The following ADGRB3 variants were observed in gnomAD, a reference collection of about 807,000 sequenced individuals.
The protein encoded by ADGRB3 is brain-specific angiogenesis inhibitor 3.
ADGRB3 carries 37 observed loss-of-function variants against 193.4 expected under a neutral mutation model. The observed-to-expected ratio is 0.19, with a 90% confidence interval of 0.15 to 0.25. The LOEUF is 0.25. Ranked by LOEUF, ADGRB3 falls within the 10% of genes least tolerant of loss-of-function variation. The pLI is 1.00. For synonymous variants in ADGRB3, 690 were observed against 644.2 expected (o/e 1.07, Z -1.08); for missense variants, 1,637 against 1,852.9 (o/e 0.88, Z 2.14).
intron 20 of ADGRB3, among the ~76,000 whole-genome samples, chr6:69,294,499 C>A (rs1269327455): frequency 6.6e-6 from 1 of 152,034 alleles, no homozygotes; most frequent in Non-Finnish European, 1.5e-5. Context: ...CTGTCTCTTA[C>A]CTAATATAGA....
At chr6:68,971,489 A>C (rs546253376) in intron 8 of ADGRB3, among the ~76,000 whole-genome samples, 1 of 152,340 alleles carries the variant, frequency 6.6e-6, no homozygotes, top group East Asian at 1.9e-4. Context: ...AAAAATCCAC[A>C]TATAAGTGGA....
intron 17 of ADGRB3, among the ~76,000 whole-genome samples, chr6:69,177,595 C>T (rs561111685): frequency 3.9e-5 from 6 of 152,282 alleles, no homozygotes; most frequent in Admixed American, 2.0e-4. Flanking sequence ...ATCCACCCGC[C>T]TTGGCCTCCC....
At chr6:69,156,851 A>C (rs562108771) in intron 17 of ADGRB3, among the ~76,000 whole-genome samples, 1 of 152,334 alleles carries the variant, frequency 6.6e-6, no homozygotes, top group Admixed American at 6.5e-5. Context: ...TTTGGTTTAC[A>C]AATGAAGAAA....
intron 17 of ADGRB3, among the ~76,000 whole-genome samples, chr6:69,103,861 T>C (rs1773136069): frequency 6.6e-6 from 1 of 151,710 alleles, no homozygotes; most frequent in Non-Finnish European, 1.5e-5. Flanking sequence ...GCAGTGACAG[T>C]AGGAAAACTT....
chr6:68,900,159 T>C (rs1251282950), intron 3 of ADGRB3, among the ~76,000 whole-genome samples: 1 of 152,086 alleles, frequency 6.6e-6, no homozygotes, highest in Non-Finnish European at 1.5e-5. Context: ...TATGTAATAA[T>C]AGGATGACAG....
At chr6:68,738,271 G>A (rs1765910315) in intron 3 of ADGRB3, among the ~76,000 whole-genome samples, 1 of 152,074 alleles carries the variant, frequency 6.6e-6, no homozygotes, top group Admixed American at 6.6e-5. Flanking sequence ...CAGTGGTGAG[G>A]AGAGAGAGAG....
chr6:68,862,294 G>T (rs1397624870), intron 3 of ADGRB3, among the ~76,000 whole-genome samples: 1 of 152,030 alleles, frequency 6.6e-6, no homozygotes, highest in Non-Finnish European at 1.5e-5. Context: ...TTTTGTTATT[G>T]TTTCTTCATA....
chr6:68,786,258 GT>G (rs200664342), intron 3 of ADGRB3, among the ~76,000 whole-genome samples: 113,620 of 151,732 alleles, frequency 0.75, 42,797 homozygotes, highest in Middle Eastern at 0.9. Flanking sequence ...TATTGCCTAG[GT>G]TTTTTTCTAG....
At chr6:68,985,591 G>A (rs1232496422) in intron 10 of ADGRB3, among the ~76,000 whole-genome samples, 1 of 152,134 alleles carries the variant, frequency 6.6e-6, no homozygotes, top group Non-Finnish European at 1.5e-5. Context: ...TGCCATGTCA[G>A]GCCTGAGAGT....
chr6:68,914,106 T>G (rs958921399), intron 3 of ADGRB3, among the ~76,000 whole-genome samples: 12 of 151,984 alleles, frequency 7.9e-5, no homozygotes, highest in Admixed American at 5.2e-4. Flanking sequence ...GGAACCAAGT[T>G]GGAAAACACT....
intron 20 of ADGRB3, among the ~76,000 whole-genome samples, chr6:69,254,631 A>G (rs994417010): frequency 4.6e-5 from 7 of 152,094 alleles, no homozygotes; most frequent in Non-Finnish European, 8.8e-5. Context: ...TTATGTTTAG[A>G]TATATCTTAT....
chr6:69,369,584 G>A (rs1769662637), intron 29 of ADGRB3, among the ~76,000 whole-genome samples: 1 of 151,732 alleles, frequency 6.6e-6, no homozygotes. Context: ...TATAGCCCCA[G>A]CTACTAGGAG....
intron 3 of ADGRB3, among the ~76,000 whole-genome samples, chr6:68,855,745 G>A (rs1050342325): frequency 8.5e-5 from 13 of 152,180 alleles, no homozygotes; most frequent in African/African-American, 2.4e-4. Flanking sequence ...AGTCCAGGGG[G>A]CACTGACTCA....
At chr6:68,850,779 T>C (rs1768382103) in intron 3 of ADGRB3, among the ~76,000 whole-genome samples, 1 of 152,040 alleles carries the variant, frequency 6.6e-6, no homozygotes, top group Admixed American at 6.6e-5. Context: ...GCAGCATTCA[T>C]TATATAAACC....
intron 17 of ADGRB3, among the ~76,000 whole-genome samples, chr6:69,079,078 A>C (rs928269168): frequency 6.6e-6 from 1 of 152,102 alleles, no homozygotes. Context: ...CAGCTTGTTA[A>C]ATAGTAAGAT....
intron 11 of ADGRB3, among the ~76,000 whole-genome samples, chr6:69,009,303 CTG>C (rs1231140203): frequency 6.6e-6 from 1 of 151,930 alleles, no homozygotes; most frequent in Non-Finnish European, 1.5e-5. Flanking sequence ...GACTGTATAA[CTG>C]GGGAGGGGGG....
chr6:69,119,599 G>C (rs1200015207), intron 17 of ADGRB3, among the ~76,000 whole-genome samples: 1 of 152,102 alleles, frequency 6.6e-6, no homozygotes, highest in Non-Finnish European at 1.5e-5. Context: ...GTTTTTGTGT[G>C]TGTGTGTAAT....
At chr6:68,918,930 T>C (rs1218797489) in intron 3 of ADGRB3, among the ~76,000 whole-genome samples, 6 of 152,256 alleles carry the variant, frequency 3.9e-5, no homozygotes, top group African/African-American at 1.4e-4. Flanking sequence ...ATATCACTAT[T>C]ATTAATAATT....
At chr6:69,315,232 GC>G (rs2127302294) in intron 20 of ADGRB3, among the ~76,000 whole-genome samples, 1 of 151,544 alleles carries the variant, frequency 6.6e-6, no homozygotes, top group African/African-American at 2.4e-5. Flanking sequence ...GAGCACATGT[GC>G]TTCTTTATTT....
Sources: allele counts gnomAD v4.1 joint callset (sites outside exome capture counted in the v4.1 genomes callset), GRCh38; gene constraint gnomAD v4.1.1; transcripts MANE v1.5; gene names NCBI Gene and HGNC (gene_info 2026-07-23, HGNC 2026-07-21).